Variants in SPIRE1 observed in about 807,000 individuals in gnomAD.
SPIRE1 encodes the protein protein spire homolog 1.
SPIRE1 carries 40 observed loss-of-function variants against 94.1 expected under a neutral mutation model. The observed-to-expected ratio is 0.43, with a 90% CI of 0.33 to 0.55. SPIRE1 has a LOEUF of 0.55. Ranked by LOEUF, SPIRE1 falls within the 20% of genes least tolerant of loss-of-function variation. SPIRE1 has a pLI of 0.06. For missense variants in SPIRE1, 838 were observed against 975.2 expected, an observed-to-expected ratio of 0.86 and a Z score of 1.87; for synonymous variants, 376 against 371.7, an observed-to-expected ratio of 1.01 and a Z score of -0.13.
intron 10 of SPIRE1, among the ~76,000 whole-genome samples, chr18:12,479,167 T>C (rs917176848): frequency 7.4e-5 from 11 of 148,246 alleles, no homozygotes; most frequent in African/African-American, 2.8e-4. Flanking sequence ...GTATTTTTTT[T>C]TTCTTTTTCT....
intron 2 of SPIRE1, among the ~76,000 whole-genome samples, chr18:12,575,171 T>C (rs896684234): frequency 6.6e-6 from 1 of 151,990 alleles, no homozygotes; most frequent in African/African-American, 2.4e-5. Context: ...GAGGAAAAAG[T>C]TGAAGATGAT....
chr18:12,586,335 A>G (rs536393993), intron 2 of SPIRE1, among the ~76,000 whole-genome samples: 2 of 152,342 alleles, frequency 1.3e-5, no homozygotes, highest in South Asian at 4.1e-4. Flanking sequence ...ATCCTAAAAC[A>G]GTAAGTCTAA....
intron 12 of SPIRE1, among the ~76,000 whole-genome samples, chr18:12,457,837 TTC>T (rs1257944584): frequency 6.9e-6 from 1 of 145,964 alleles, no homozygotes; most frequent in African/African-American, 2.5e-5. Context: ...CACCTTTCTT[TTC>T]TTTTTTCTTT....
intron 2 of SPIRE1, among the ~76,000 whole-genome samples, chr18:12,609,432 G>A (rs2037076828): frequency 7.6e-6 from 1 of 130,822 alleles, no homozygotes; most frequent in Non-Finnish European, 1.8e-5. Flanking sequence ...ATTTGTGTTT[G>A]GGGGGTTTTT....
At chr18:12,517,412 T>A (rs1598429893) in intron 4 of SPIRE1, among the ~76,000 whole-genome samples, 1 of 152,224 alleles carries the variant, frequency 6.6e-6, no homozygotes, top group East Asian at 1.9e-4. Flanking sequence ...TGATCAAATA[T>A]GTGGCTAGAA....
chr18:12,526,056 T>TACACACACACACACAC (rs56263373), intron 4 of SPIRE1, among the ~76,000 whole-genome samples: 13,531 of 122,418 alleles, frequency 0.11, 1,131 homozygotes, highest in Admixed American at 0.2. Flanking sequence ...ATACTGAAGA[T>TACACACACACACACAC]ACACACACAC....
At chr18:12,513,007 T>A (rs2034085121) in intron 4 of SPIRE1, among the ~76,000 whole-genome samples, 1 of 152,084 alleles carries the variant, frequency 6.6e-6, no homozygotes, top group Non-Finnish European at 1.5e-5. Flanking sequence ...CCTCCCTGAA[T>A]AAGTCAAAAT....
At chr18:12,653,139 C>T (rs2038429219) in intron 1 of SPIRE1, 1 of 152,196 alleles carries the variant, frequency 6.6e-6, no homozygotes, top group Non-Finnish European at 1.5e-5. Context: ...TTTAATGTCA[C>T]AATTGCAGGG....
rs185858538 is a variant in SPIRE1 at position 12,616,132 on chromosome 18, C to T, written c.372+18930G>A. Among the ~76,000 whole-genome samples the T allele has an allele frequency of 1.1e-3, 171 of 152,288 alleles. 1 individual carries two copies. The highest frequency in any genetic ancestry group is 5.4e-4 in the Non-Finnish European group (37 of 68,018). On this transcript the variant is annotated intron_variant, in intron 2 of 16. Coordinates refer to ENST00000409402, the MANE Select transcript of SPIRE1 (RefSeq NM_001128626.2). ...CCTTCAATTCTTTTGCCAGCTTCTA[C>T]CTTCTAAGCATTCTTCCCTCTTCCC... is the stretch of plus-strand genomic sequence containing the variant.
chr18:12,479,687 C>G lies in SPIRE1; in HGVS notation c.1404+12G>C. ...CATCTTGGGAGTCAAGCTGGGTGAA[C>G]TGGGGCCTCACCTCAGACTCAGAGC... On this transcript the variant is annotated intron_variant, in intron 10 of 16. Coordinates refer to ENST00000409402, the MANE Select transcript of SPIRE1 (RefSeq NM_001128626.2). The G allele has an allele frequency of 1.9e-6, 3 of 1,594,584 alleles. No individual in the cohort carries two copies. The highest frequency in any genetic ancestry group is 2.6e-6 in the Non-Finnish European group (3 of 1,173,480).
intron 4 of SPIRE1, among the ~76,000 whole-genome samples, chr18:12,529,381 A>AG (rs1479609960): frequency 1.3e-4 from 20 of 151,678 alleles, no homozygotes; most frequent in African/African-American, 4.4e-4. Context: ...AAAAAAAAAA[A>AG]AGGGCAGTAT....
At chr18:12,464,663 CAT>C (rs746037958) in intron 11 of SPIRE1, among the ~76,000 whole-genome samples, 10 of 152,192 alleles carry the variant, frequency 6.6e-5, no homozygotes, top group South Asian at 2.1e-4. Context: ...CGTAAACACA[CAT>C]GTGCCTGCTC....
At chr18:12,517,955 A>T (rs2034243773) in intron 4 of SPIRE1, among the ~76,000 whole-genome samples, 1 of 152,172 alleles carries the variant, frequency 6.6e-6, no homozygotes, top group Non-Finnish European at 1.5e-5. Flanking sequence ...ACATGTTTTC[A>T]GTTAGACATT....
intron 2 of SPIRE1, among the ~76,000 whole-genome samples, chr18:12,581,442 AT>A (rs1364512905): frequency 9.6e-5 from 14 of 146,300 alleles, no homozygotes; most frequent in East Asian, 2.0e-4. Context: ...GTTAAAAAAA[AT>A]AACCAAGATT....
intron 12 of SPIRE1, among the ~76,000 whole-genome samples, chr18:12,454,825 T>C (rs2031430842): frequency 6.6e-6 from 1 of 152,198 alleles, no homozygotes; most frequent in Non-Finnish European, 1.5e-5. Context: ...TGAAAAAAAT[T>C]TTATTCTAAA....
In SPIRE1 at chr18:12,657,964, G is replaced by T; in HGVS notation, c.-98C>A. ...GCGCGCCGCCGCCTCACCATCCCCG[G>T]AACCGCCGCCGCCCAACGCGGCCGC... On this transcript the variant is annotated 5_prime_UTR_variant, in exon 1 of 17. Transcript: ENST00000409402. 1 of 1,000,176 alleles carries T rather than the reference G, an allele frequency of 1.0e-6. No homozygotes were observed. Among genetic ancestry groups the T allele is most frequent in the Non-Finnish European group, 1.2e-6 (1 of 841,294 alleles). The allele number at this position is 1,000,176 out of a possible 1,614,324, so 62.0% of individuals were successfully genotyped here.
chr18:12,508,412 T>C (rs960630510), intron 5 of SPIRE1, among the ~76,000 whole-genome samples: 45 of 152,148 alleles, frequency 3.0e-4, no homozygotes, highest in Non-Finnish European at 5.9e-4. Context: ...ATTAGATGCC[T>C]CCTAAAATAT....
intron 1 of SPIRE1, among the ~76,000 whole-genome samples, chr18:12,649,442 C>T (rs9944881): frequency 0.02 from 3,085 of 152,194 alleles, 119 homozygotes; most frequent in African/African-American, 0.07. Flanking sequence ...AAAATTCCCA[C>T]TACATTTGGT....
At chr18:12,466,231 A>G (rs1401123171) in intron 10 of SPIRE1, among the ~76,000 whole-genome samples, 1 of 152,214 alleles carries the variant, frequency 6.6e-6, no homozygotes, top group Non-Finnish European at 1.5e-5. Flanking sequence ...TTTACTAAAT[A>G]CTATGCGAGA....
Sources: gnomAD v4.1 joint callset for allele counts (sites outside exome capture counted in the v4.1 genomes callset) on GRCh38, gnomAD v4.1.1 for gene constraint, MANE v1.5 for transcripts, NCBI Gene and HGNC (gene_info 2026-07-23, HGNC 2026-07-21) for gene names.